The following NBEA variants were observed in gnomAD, a reference collection of about 807,000 sequenced individuals.
NBEA encodes the protein neurobeachin, also known as lysosomal-trafficking regulator 2.
In NBEA, 44 loss-of-function variants were observed where a neutral mutation model predicts 343.4. The ratio of observed to expected loss-of-function variants is 0.13; its 90% CI spans 0.10 to 0.16. The LOEUF is 0.16. Ranked by LOEUF, NBEA falls within the 10% of genes least tolerant of loss-of-function variation. The pLI is 1.00. For synonymous variants in NBEA, 1,175 were observed against 1,238.7 expected (o/e 0.95, Z 1.08); for missense variants, 2,555 against 3,631.3 (o/e 0.70, Z 7.62).
intron 51 of NBEA, among the ~76,000 whole-genome samples, chr13:35,647,226 AT>A (rs1040505170): frequency 1.3e-5 from 2 of 152,096 alleles, no homozygotes; most frequent in African/African-American, 4.8e-5. Flanking sequence ...TTTCTTTAGA[AT>A]TTTTTTTAAA....
At chr13:35,127,763 A>G (rs1052713252) in intron 17 of NBEA, among the ~76,000 whole-genome samples, 1 of 152,190 alleles carries the variant, frequency 6.6e-6, no homozygotes, top group African/African-American at 2.4e-5. Context: ...AAGCAGTTCT[A>G]TAAAATTATA....
At chr13:35,367,791 T>C (rs963897917) in intron 38 of NBEA, among the ~76,000 whole-genome samples, 4 of 151,474 alleles carry the variant, frequency 2.6e-5, no homozygotes, top group Non-Finnish European at 4.4e-5. Context: ...ATGCCAAATA[T>C]AAACTATCAC....
chr13:35,156,173 T>C lies in NBEA; in HGVS notation c.2618T>C (p.Ile873Thr), dbSNP rs371818788. ...CGTCGTTTATTTTTATCTGATATGA[T>C]AAAACTTTTCAGTAACAGCCGTGAA... ...EVRRLFLSDMIKLFSNSRENR... is the reference protein window; with the variant it reads ...EVRRLFLSDMTKLFSNSRENR... The change falls in exon 20 of 59, where the codon ATA becomes ACA. Residue 873 changes from isoleucine (I) to threonine (T), a missense_variant. Physicochemically the swap from Ile to Thr is moderately conservative, Grantham distance 89. This residue lies in a region of NBEA where 360 missense variants were observed against 519.1 expected (regional missense o/e 0.69). Transcript: ENST00000379939. 153 of 1,590,374 alleles carry C rather than the reference T, an allele frequency of 9.6e-5. No homozygotes were observed. The highest frequency in any genetic ancestry group is 1.3e-4 in the Non-Finnish European group (151 of 1,169,068).
intron 36 of NBEA, among the ~76,000 whole-genome samples, chr13:35,322,743 G>C (rs1594213088): frequency 1.3e-5 from 2 of 152,180 alleles, no homozygotes; most frequent in East Asian, 3.9e-4. Flanking sequence ...AGACATTGAT[G>C]ATAAATAAAA....
intron 17 of NBEA, among the ~76,000 whole-genome samples, chr13:35,133,266 TC>T (rs1315121393): frequency 1.3e-5 from 2 of 152,084 alleles, no homozygotes; most frequent in Admixed American, 6.5e-5. Context: ...ATACTCAACT[TC>T]AGTAGTAATC....
chr13:35,048,500 G>C, intron 4 of NBEA, 63 bp from the exon 5 acceptor site: 2 of 1,465,852 alleles, frequency 1.4e-6, no homozygotes, highest in Admixed American at 4.3e-5. Context: ...AGCCATATTT[G>C]ACCTTAGCTA....
At chr13:34,957,703 T>G (rs1403637936) in intron 1 of NBEA, among the ~76,000 whole-genome samples, 3 of 150,310 alleles carry the variant, frequency 2.0e-5, no homozygotes, top group Non-Finnish European at 4.4e-5. Flanking sequence ...GAACTTATTT[T>G]ATATAACATA....
intron 44 of NBEA, among the ~76,000 whole-genome samples, chr13:35,563,358 T>C (rs11617677): frequency 0.37 from 56,163 of 151,770 alleles, 11,378 homozygotes; most frequent in Middle Eastern, 0.5. Flanking sequence ...AAATAACTCA[T>C]TTTTTGGATG....
At chr13:35,027,471 T>C (rs2062055730) in intron 1 of NBEA, among the ~76,000 whole-genome samples, 1 of 151,944 alleles carries the variant, frequency 6.6e-6, no homozygotes, top group African/African-American at 2.4e-5. Flanking sequence ...GATAACTCTT[T>C]GTGCCATCCA....
At chr13:34,974,253 G>T (rs1566109127) in intron 1 of NBEA, among the ~76,000 whole-genome samples, 1 of 152,078 alleles carries the variant, frequency 6.6e-6, no homozygotes, top group Admixed American at 6.5e-5. Context: ...GTATTTACTT[G>T]CCCCTTTCAT....
chr13:35,654,809 C>T (rs761995185), intron 53 of NBEA, 46 bp from the exon 54 acceptor site: 1 of 1,501,594 alleles, frequency 6.7e-7, no homozygotes, highest in Non-Finnish European at 8.9e-7. Context: ...CTTGGCAAAA[C>T]TCATATGGAA....
chr13:35,542,991 T>C (rs2078905129), intron 41 of NBEA, among the ~76,000 whole-genome samples: 1 of 152,066 alleles, frequency 6.6e-6, no homozygotes, highest in African/African-American at 2.4e-5. Flanking sequence ...CACTATGTTA[T>C]ACTACTCTGC....
At chr13:35,257,575 A>G (rs549896077) in intron 34 of NBEA, among the ~76,000 whole-genome samples, 3 of 152,220 alleles carry the variant, frequency 2.0e-5, no homozygotes, top group Non-Finnish European at 4.4e-5. Flanking sequence ...AGCTTATAAT[A>G]TATACAACAT....
intron 33 of NBEA, among the ~76,000 whole-genome samples, chr13:35,216,237 T>C (rs1343900057): frequency 5.3e-5 from 8 of 151,818 alleles, no homozygotes; most frequent in African/African-American, 1.9e-4. Flanking sequence ...GCTTTTTTCT[T>C]CCCATATCTT....
chr13:35,053,025 A>G (rs1476733873), intron 6 of NBEA, among the ~76,000 whole-genome samples: 1 of 151,952 alleles, frequency 6.6e-6, no homozygotes, highest in Non-Finnish European at 1.5e-5. Flanking sequence ...TCCCATCCTC[A>G]TTTTAAAATT....
intron 34 of NBEA, among the ~76,000 whole-genome samples, chr13:35,248,677 C>T (rs2031557295): frequency 6.6e-6 from 1 of 152,084 alleles, no homozygotes; most frequent in African/African-American, 2.4e-5. Flanking sequence ...GTGCCAAGAC[C>T]ATTTAATAAT....
Position 35,658,201 on chromosome 13 carries a change from A to G in NBEA, c.8362+2452A>G, listed in dbSNP as rs116660209. On this transcript the variant is annotated intron_variant, in intron 55 of 58. Transcript: ENST00000379939. ...CATATTTTAGTTTTAAGTAAGGACA[A>G]GATTATCTTAAAGATATTATGACAA... Among the ~76,000 whole-genome samples the G allele has an allele frequency of 3.2e-3, 480 of 152,338 alleles. 3 individuals carry two copies. Among genetic ancestry groups the G allele is most frequent in the African/African-American group, 0.011 (451 of 41,592 alleles).
chr13:35,488,113 T>G (rs557908442), intron 41 of NBEA, among the ~76,000 whole-genome samples: 1 of 152,052 alleles, frequency 6.6e-6, no homozygotes, highest in Non-Finnish European at 1.5e-5. Context: ...TAGGTATTTT[T>G]TCCGTGACTT....
chr13:35,424,552 A>G (rs1324186432), intron 38 of NBEA, among the ~76,000 whole-genome samples: 2 of 152,164 alleles, frequency 1.3e-5, no homozygotes, highest in African/African-American at 4.8e-5. Flanking sequence ...TCGGTTTGCC[A>G]GTATTTTATT....
Sources: allele counts gnomAD v4.1 joint callset (sites outside exome capture counted in the v4.1 genomes callset), GRCh38; gene constraint gnomAD v4.1.1; regional missense constraint gnomAD v4.1.1; transcripts MANE v1.5; gene names NCBI Gene and HGNC (gene_info 2026-07-23, HGNC 2026-07-21).